The following NUMA1 variants were observed in gnomAD, a reference collection of about 807,000 sequenced individuals.
The protein encoded by NUMA1 is nuclear mitotic apparatus protein 1.
In NUMA1, 62 loss-of-function variants were observed where a neutral mutation model predicts 237.1. The ratio of observed to expected loss-of-function variants is 0.26; its 90% CI spans 0.21 to 0.32. The LOEUF is 0.32. Ranked by LOEUF, NUMA1 falls within the 10% of genes least tolerant of loss-of-function variation. The probability of loss-of-function intolerance (pLI) is 1.00; values close to 1 mark genes in which losing one functional copy is unlikely to be tolerated. For synonymous variants in NUMA1, 1,028 were observed against 1,066.1 expected (o/e 0.96, Z 0.70); for missense variants, 2,533 against 2,666.5 (o/e 0.95, Z 1.10).
chr11:72,026,069 C>T (rs1435850912), intron 4 of NUMA1, among the ~76,000 whole-genome samples: 1 of 152,178 alleles, frequency 6.6e-6, no homozygotes, highest in African/African-American at 2.4e-5. Flanking sequence ...ATTTCCTAAA[C>T]CTATTTGACC....
intron 4 of NUMA1, among the ~76,000 whole-genome samples, chr11:72,026,405 A>G (rs967873189): frequency 6.6e-6 from 1 of 152,280 alleles, no homozygotes; most frequent in African/African-American, 2.4e-5. Context: ...GAAGAGCAGA[A>G]ATAAAAGTCA....
intron 4 of NUMA1, among the ~76,000 whole-genome samples, chr11:72,026,229 C>G (rs930040587): frequency 3.9e-5 from 6 of 152,244 alleles, no homozygotes; most frequent in Admixed American, 3.9e-4. Flanking sequence ...ATCCACAACT[C>G]CTGCCAGTCA....
intron 13 of NUMA1, 32 bp from the exon 14 acceptor site, chr11:72,016,562 A>AG: frequency 6.2e-7 from 1 of 1,606,242 alleles, no homozygotes; most frequent in Non-Finnish European, 8.5e-7. Flanking sequence ...GTGAACAGAG[A>AG]GGGGGAACAG....
intron 8 of NUMA1, 92 bp from the exon 9 acceptor site, chr11:72,019,709 GTGGGAGTATATCCA>G (rs1938461906): frequency 1.5e-6 from 2 of 1,374,178 alleles, no homozygotes; most frequent in Non-Finnish European, 2.0e-6. Flanking sequence ...ACTCGCCTTA[GTGGGAGTATATCCA>G]TGGATACTTA....
chr11:72,058,359 A>G (rs1428242907), intron 2 of NUMA1, among the ~76,000 whole-genome samples: 5 of 152,152 alleles, frequency 3.3e-5, no homozygotes, highest in African/African-American at 4.8e-5. Flanking sequence ...AACTTTACAC[A>G]TTGCTCTGCA....
In NUMA1 at chr11:72,007,361, G is replaced by A. The variant is rs1014236116; in HGVS notation, c.5291C>T (p.Pro1764Leu). 5 of 1,613,632 alleles carry A rather than the reference G, an allele frequency of 3.1e-6. No individual in the cohort carries two copies. In the African/African-American group the frequency reaches 5.3e-5, roughly 17 times the overall value. The part of the protein sequence containing the change: ...EPASPISQRL[P>L]PKVESLESLY... ...ACTCTCCAGGGATTCTACCTTGGGG[G>A]GCAGGCGCTGGGAGATAGGTGAGGC... The change falls in exon 21 of 27, where the codon CCC (proline) becomes CTC (leucine). Residue 1764 changes from proline (P) to leucine (L), a missense_variant. Transcript: ENST00000393695.
intron 1 of NUMA1, among the ~76,000 whole-genome samples, chr11:72,074,846 C>A (rs1418467620): frequency 6.6e-6 from 1 of 152,082 alleles, no homozygotes; most frequent in Admixed American, 6.5e-5. Context: ...CCAGCCTGGG[C>A]AACATGGTCA....
In NUMA1 at chr11:72,004,719, G is replaced by C. The variant is rs1265057835; in HGVS notation, c.5927C>G (p.Ala1976Gly). The C allele has an allele frequency of 6.2e-7, 1 of 1,613,582 alleles. No individual in the cohort carries two copies. The highest frequency in any genetic ancestry group is 1.3e-5 in the African/African-American group (1 of 74,876). The part of the protein sequence containing the change: ...RRASMQPIQI[A>G]EGTGITTRQQ... ...CCGGGTGGTGATGCCAGTGCCCTCG[G>C]CTATCTGGATTGGCTGCATGCTGGC... The change falls in exon 24 of 27, where the codon GCC becomes GGC. Residue 1976 changes from alanine to glycine, a missense_variant. Transcript: ENST00000393695.
intron 1 of NUMA1, among the ~76,000 whole-genome samples, chr11:72,070,794 G>C (rs1010902887): frequency 1.3e-5 from 2 of 152,164 alleles, no homozygotes; most frequent in African/African-American, 4.8e-5. Context: ...GAATGATCCA[G>C]TGGGGCACAT....
In NUMA1 at chr11:72,013,935, G is replaced by T. The variant is rs756232021; in HGVS notation, c.3568C>A (p.Arg1190=). ...TTGGTGCGGAAGGCAGCCAACTCCC[G>T]TTGGGCCGAGGCTAAGGCACTCTGA... ...HSQSALASAQ[R]ELAAFRTKVQ... Residue 1190 remains arginine, a synonymous_variant, in exon 15 of 27, where the codon CGG becomes AGG. Transcript: ENST00000393695. This position sits in a 1 kb window ranked among gnomAD's most constrained non-coding sequence, Gnocchi z 6.8. 1 of 1,613,868 alleles carries T rather than the reference G, an allele frequency of 6.2e-7. No homozygotes were observed. Among genetic ancestry groups the T allele is most frequent in the Non-Finnish European group, 8.5e-7 (1 of 1,180,020 alleles).
intron 2 of NUMA1, among the ~76,000 whole-genome samples, chr11:72,053,982 A>G (rs1483432414): frequency 1.3e-5 from 2 of 152,336 alleles, no homozygotes; most frequent in African/African-American, 4.8e-5. Context: ...CTAATATTAT[A>G]CCATTTTATA....
At chr11:72,037,528 G>C (rs1284338769) in intron 2 of NUMA1, among the ~76,000 whole-genome samples, 1 of 152,144 alleles carries the variant, frequency 6.6e-6, no homozygotes, top group African/African-American at 2.4e-5. Flanking sequence ...TAAAAAAAAA[G>C]ATCATCCTGT....
intron 24 of NUMA1, 60 bp downstream of exon 24, chr11:72,004,580 G>A: frequency 6.5e-7 from 1 of 1,541,630 alleles, no homozygotes; most frequent in Non-Finnish European, 8.8e-7. Context: ...TTAGTCCTTG[G>A]TGAGCTGGGC....
intron 2 of NUMA1, among the ~76,000 whole-genome samples, chr11:72,063,551 G>T (rs1943054793): frequency 6.9e-6 from 1 of 144,524 alleles, no homozygotes; most frequent in East Asian, 2.1e-4. Context: ...TGATGGGTGT[G>T]AGCCACTGCA....
chr11:72,062,572 G>A (rs1942999561), intron 2 of NUMA1: 1 of 152,006 alleles, frequency 6.6e-6, no homozygotes, highest in South Asian at 2.1e-4. Flanking sequence ...AAAGTAGCTG[G>A]GTGTGGTGGT....
intron 3 of NUMA1, among the ~76,000 whole-genome samples, chr11:72,032,114 A>G (rs965849640): frequency 3.3e-5 from 5 of 152,088 alleles, no homozygotes; most frequent in Non-Finnish European, 7.4e-5. Context: ...TGAGCTATGA[A>G]GCTGCAACTG....
At position 72,014,631 on chromosome 11, in the gene NUMA1, G is replaced by C. The variant is rs748357225; in HGVS notation, c.2872C>G (p.Arg958Gly). ...GCTGCCTGTGTGCTGCAGAACTGGC[G>C]TCCCTGTTGCTCTTCCAGCCACTCG... The part of the protein sequence containing the change: ...QPEWLEEQQG[R>G]QFCSTQAALQ... Residue 958 changes from arginine to glycine, a missense_variant, in exon 15 of 27, where the codon CGC (arginine) becomes GGC (glycine). Arg to Gly is a moderately radical substitution (Grantham distance 125). This residue lies in a region of NUMA1 where 1,414 missense variants were observed against 1,508.1 expected (regional missense o/e 0.94). Coordinates refer to ENST00000393695, the MANE Select transcript of NUMA1 (RefSeq NM_006185.4). This position sits in a 1 kb window ranked among gnomAD's most constrained non-coding sequence, Gnocchi z 4.6. The C allele has an allele frequency of 6.2e-7, 1 of 1,610,322 alleles. No individual in the cohort carries two copies. Among genetic ancestry groups the C allele is most frequent in the Non-Finnish European group, 8.5e-7 (1 of 1,180,038 alleles).
chr11:72,052,920 G>C lies in NUMA1; in HGVS notation c.-33+16922C>G, dbSNP rs559339087. Among the ~76,000 whole-genome samples the C allele has an allele frequency of 3.9e-5, 6 of 152,330 alleles. No homozygotes were observed. In the South Asian group the frequency reaches 8.3e-4, roughly 21 times the overall value. ...AGGGCTATGTTTCAGAAGGGAAACT[G>C]TATAAAGTACAGACTGGAATGGTAA... On this transcript the variant is annotated intron_variant, in intron 2 of 26. Transcript: ENST00000393695.
chr11:72,028,658 C>A (rs1196434360), intron 4 of NUMA1, among the ~76,000 whole-genome samples: 1 of 152,128 alleles, frequency 6.6e-6, no homozygotes, highest in Non-Finnish European at 1.5e-5. Context: ...TCATGGACCT[C>A]AGAAATCAAG....
Sources: gnomAD v4.1 joint callset for allele counts (sites outside exome capture counted in the v4.1 genomes callset) on GRCh38, gnomAD v4.1.1 for gene constraint, gnomAD v4.1.1 regional missense constraint, Gnocchi (gnomAD v3.1) non-coding constraint, MANE v1.5 for transcripts, NCBI Gene and HGNC (gene_info 2026-07-23, HGNC 2026-07-21) for gene names.